Variants in MLLT3 observed in about 807,000 individuals in gnomAD.
MLLT3 encodes the protein protein AF-9.
A neutral mutation model predicts 53.2 loss-of-function variants in MLLT3; 4 were observed. That is an observed-to-expected ratio of 0.08 (90% confidence interval 0.04 to 0.17). MLLT3 has a LOEUF of 0.17. Ranked by LOEUF, MLLT3 falls within the 10% of genes least tolerant of loss-of-function variation. The pLI is 1.00. For missense variants in MLLT3, 569 were observed against 684.0 expected (o/e 0.83, Z 1.87); for synonymous variants, 283 against 230.6 (o/e 1.23, Z -2.06).
chr9:20,390,543 C>A (rs563238440), intron 5 of MLLT3, among the ~76,000 whole-genome samples: 1 of 152,270 alleles, frequency 6.6e-6, no homozygotes, highest in East Asian at 1.9e-4. Flanking sequence ...ACAAACAGTG[C>A]TCAACAACCC....
intron 2 of MLLT3, among the ~76,000 whole-genome samples, chr9:20,578,838 G>T (rs1244493538): frequency 6.6e-6 from 1 of 152,000 alleles, no homozygotes; most frequent in Admixed American, 6.6e-5. Context: ...CAAAAAAAGT[G>T]AAATACTTTA....
intron 10 of MLLT3, 102 bp from the exon 11 acceptor site, chr9:20,346,676 A>G: frequency 1.7e-6 from 2 of 1,146,086 alleles, no homozygotes; most frequent in Non-Finnish European, 2.5e-6. Context: ...CAAGTGATAA[A>G]TATTCGTATT....
chr9:20,349,605 T>G (rs924857194), intron 10 of MLLT3, among the ~76,000 whole-genome samples: 7 of 152,144 alleles, frequency 4.6e-5, no homozygotes, highest in Admixed American at 3.3e-4. Context: ...GTTCCCTAAT[T>G]ATTTAATAAC....
At chr9:20,492,818 T>C (rs1002761093) in intron 2 of MLLT3, among the ~76,000 whole-genome samples, 5 of 152,000 alleles carry the variant, frequency 3.3e-5, no homozygotes, top group African/African-American at 1.2e-4. Context: ...ATATAGCTTA[T>C]AGATCTGATC....
At chr9:20,557,011 G>A (rs976491020) in intron 2 of MLLT3, among the ~76,000 whole-genome samples, 10 of 152,220 alleles carry the variant, frequency 6.6e-5, no homozygotes, top group East Asian at 3.9e-4. Flanking sequence ...CAATGACTAC[G>A]ATTCAGAAGA....
Position 20,620,918 on chromosome 9 carries a change from C to T in MLLT3, c.13-84G>A. ...GAACGTTGCGCCTGACATTTTTTTC[C>T]TCCTTCTTGAAACGCACATAAAAGG... is the stretch of plus-strand genomic sequence containing the variant. On this transcript the variant is annotated intron_variant, in intron 1 of 10. Transcript: ENST00000380338. This position sits in a 1 kb window ranked among gnomAD's most constrained non-coding sequence, Gnocchi z 6.1. 1 of 1,480,836 alleles carries T rather than the reference C, an allele frequency of 6.8e-7. No homozygotes were observed. The highest frequency in any genetic ancestry group is 9.4e-7 in the Non-Finnish European group (1 of 1,068,646). 91.7% of individuals were successfully genotyped at this position (1,480,836 alleles called of 1,614,324 possible). A position where few individuals can be genotyped will look rare whatever the true frequency, so the allele number is the denominator to read the frequency against.
At chr9:20,388,359 C>T (rs528525141) in intron 5 of MLLT3, among the ~76,000 whole-genome samples, 6 of 152,220 alleles carry the variant, frequency 3.9e-5, no homozygotes, top group East Asian at 1.9e-4. Context: ...GAGGCTGAGG[C>T]GTGCAGATCA....
At chr9:20,601,206 T>G (rs1360548161) in intron 2 of MLLT3, among the ~76,000 whole-genome samples, 1 of 152,200 alleles carries the variant, frequency 6.6e-6, no homozygotes, top group Non-Finnish European at 1.5e-5. Flanking sequence ...CTGCCCACCT[T>G]TAGTTCAGAA....
At chr9:20,589,559 A>T (rs1168849165) in intron 2 of MLLT3, among the ~76,000 whole-genome samples, 1 of 148,632 alleles carries the variant, frequency 6.7e-6, no homozygotes, top group Non-Finnish European at 1.5e-5. Flanking sequence ...CAATGTGCAC[A>T]TGTACCCTAA....
chr9:20,343,776 A>T lies in MLLT3; in HGVS notation c.*2667T>A, dbSNP rs1348004709. On this transcript the variant is annotated 3_prime_UTR_variant, in exon 11 of 11. Coordinates refer to ENST00000380338, the MANE Select transcript of MLLT3 (RefSeq NM_004529.4). ...CCCTGCCATTTTCCCTTTGTGCTTA[A>T]GAAACCAGAGCCACTGTTAGGGTAC... is the stretch of plus-strand genomic sequence containing the variant. The T allele has an allele frequency of 9.3e-6, 2 of 214,038 alleles. No homozygotes were observed. The highest frequency in any genetic ancestry group is 1.9e-5 in the Non-Finnish European group (2 of 106,004). The allele number at this position is 214,038 out of a possible 1,614,324, so 13.3% of individuals were successfully genotyped here.
intron 2 of MLLT3, among the ~76,000 whole-genome samples, chr9:20,614,663 T>A (rs1409129863): frequency 6.6e-6 from 1 of 152,138 alleles, no homozygotes; most frequent in Non-Finnish European, 1.5e-5. Context: ...ATTTCATTTG[T>A]TTAAAAAAAT....
chr9:20,434,767 C>T (rs1043452698), intron 4 of MLLT3, among the ~76,000 whole-genome samples: 1 of 151,994 alleles, frequency 6.6e-6, no homozygotes, highest in African/African-American at 2.4e-5. Flanking sequence ...CACACAAAAA[C>T]AGAGCAAACA....
chr9:20,397,932 C>T (rs937416637), intron 5 of MLLT3, among the ~76,000 whole-genome samples: 25 of 152,034 alleles, frequency 1.6e-4, no homozygotes, highest in African/African-American at 5.6e-4. Flanking sequence ...AAAGACACAA[C>T]TAAGACCCTA....
intron 3 of MLLT3, among the ~76,000 whole-genome samples, chr9:20,450,082 T>C (rs1183747204): frequency 6.6e-6 from 1 of 152,218 alleles, no homozygotes; most frequent in Non-Finnish European, 1.5e-5. Flanking sequence ...TATGTGTCTT[T>C]TGTCCTATCC....
Position 20,621,113 on chromosome 9 carries a change from G to A in MLLT3, c.13-279C>T, listed in dbSNP as rs909827737. 3.3e-5 allele frequency: 19 copies of A among 574,190 alleles called. No individual in the cohort carries two copies. Among genetic ancestry groups the A allele is most frequent in the Non-Finnish European group, 5.4e-5 (17 of 317,664 alleles). 35.6% of individuals were successfully genotyped at this position (574,190 alleles called of 1,614,324 possible). A position where few individuals can be genotyped will look rare whatever the true frequency, so the allele number is the denominator to read the frequency against. On this transcript the variant is annotated intron_variant, in intron 1 of 10. Coordinates refer to ENST00000380338, the MANE Select transcript of MLLT3 (RefSeq NM_004529.4). The surrounding 1 kb of genome is among the most constrained non-coding windows in gnomAD (Gnocchi z 7.0). ...TATCCCCAGTCGGGAAGGGGGTCGG[G>A]GAAAAGAGGGAGAACACACTCAGCC...
chr9:20,565,626 C>T (rs1010054040), intron 2 of MLLT3, among the ~76,000 whole-genome samples: 2 of 151,832 alleles, frequency 1.3e-5, no homozygotes, highest in African/African-American at 4.8e-5. Context: ...TGCCCAGGTT[C>T]ACTGAAAACC....
intron 3 of MLLT3, among the ~76,000 whole-genome samples, chr9:20,450,131 A>C (rs1823804080): frequency 6.6e-6 from 1 of 152,212 alleles, no homozygotes; most frequent in African/African-American, 2.4e-5. Flanking sequence ...ACTGCTTGCC[A>C]AGGTTAAATT....
intron 2 of MLLT3, among the ~76,000 whole-genome samples, chr9:20,569,283 G>T (rs1819464621): frequency 6.6e-6 from 1 of 152,060 alleles, no homozygotes; most frequent in Admixed American, 6.6e-5. Flanking sequence ...TATAAAAACT[G>T]AGACTCGGAG....
chr9:20,617,549 A>G (rs570982097), intron 2 of MLLT3, among the ~76,000 whole-genome samples: 1 of 152,210 alleles, frequency 6.6e-6, no homozygotes, highest in East Asian at 1.9e-4. Flanking sequence ...ATCATACTAA[A>G]AACAAAAACA....
Sources: allele counts gnomAD v4.1 joint callset (sites outside exome capture counted in the v4.1 genomes callset), GRCh38; gene constraint gnomAD v4.1.1; non-coding constraint Gnocchi (gnomAD v3.1); transcripts MANE v1.5; gene names NCBI Gene and HGNC (gene_info 2026-07-23, HGNC 2026-07-21).